The following ZNF804A variants were observed in gnomAD, a reference collection of about 807,000 sequenced individuals.
ZNF804A encodes zinc finger protein 804A.
A neutral mutation model predicts 16.5 loss-of-function variants in ZNF804A; 2 were observed. The ratio of observed to expected loss-of-function variants is 0.12; its 90% confidence interval spans 0.05 to 0.38. The LOEUF (loss-of-function observed/expected upper bound fraction) is 0.38. Among genes scored for constraint, ZNF804A ranks in the 10% least tolerant of loss-of-function variants. The pLI is 0.99. For missense variants in ZNF804A, 1,473 were observed against 1,390.7 expected, an observed-to-expected ratio of 1.06 and a Z score of -0.94; for synonymous variants, 534 against 489.6, an observed-to-expected ratio of 1.09 and a Z score of -1.20.
chr2:184,706,928 T>C (rs1318703914), intron 1 of ZNF804A, among the ~76,000 whole-genome samples: 1 of 152,222 alleles, frequency 6.6e-6, no homozygotes, highest in Admixed American at 6.5e-5. Flanking sequence ...AGACAGAGTT[T>C]ATATGTGTAT....
At chr2:184,849,291 C>G (rs533935208) in intron 1 of ZNF804A, among the ~76,000 whole-genome samples, 3 of 152,012 alleles carry the variant, frequency 2.0e-5, no homozygotes, top group Admixed American at 6.6e-5. Context: ...AGCCCCTGGA[C>G]AGGAAGTGAA....
chr2:184,936,431 C>T lies in ZNF804A; in HGVS notation c.1035C>T (p.Asp345=), dbSNP rs1327465170. The T allele has an allele frequency of 1.2e-6, 2 of 1,613,916 alleles. No individual in the cohort carries two copies. Among genetic ancestry groups the T allele is most frequent in the South Asian group, 2.2e-5 (2 of 91,068 alleles). The change falls in exon 4 of 4, where the codon GAC becomes GAT. Residue 345 remains aspartate, a synonymous_variant. Coordinates refer to ENST00000302277, the MANE Select transcript of ZNF804A (RefSeq NM_194250.2). ...IPLESVVINE[D]IPVSGNSFEL... is the part of the protein sequence containing the mutation. ...TAGAGAGTGTTGTTATTAATGAAGA[C>T]ATACCTGTTAGTGGTAACAGTTTTG...
Position 184,937,911 on chromosome 2 carries a change from A to G in ZNF804A, c.2515A>G (p.Asn839Asp), listed in dbSNP as rs1685819978. The G allele has an allele frequency of 1.2e-6, 2 of 1,614,140 alleles. No individual in the cohort carries two copies. Among genetic ancestry groups the G allele is most frequent in the Non-Finnish European group, 1.7e-6 (2 of 1,180,024 alleles). The part of the protein sequence containing the change: ...KENTDYPVKD[N>D]SSLNPLDRLI... ...AAATACAGATTATCCCGTGAAAGAC[A>G]ATTCTTCCTTAAATCCTCTGGATAG... Residue 839 changes from asparagine (N) to aspartate (D), a missense_variant, in exon 4 of 4, where the codon AAT becomes GAT. Asn to Asp is a conservative substitution (Grantham distance 23). Transcript: ENST00000302277.
At chr2:184,673,576 A>G (rs1692372462) in intron 1 of ZNF804A, among the ~76,000 whole-genome samples, 4 of 152,216 alleles carry the variant, frequency 2.6e-5, no homozygotes, top group Admixed American at 2.6e-4. Context: ...GAAAGAGGGT[A>G]CAATAAGTAT....
intron 1 of ZNF804A, among the ~76,000 whole-genome samples, chr2:184,775,823 G>A (rs1383507949): frequency 1.3e-5 from 2 of 151,526 alleles, no homozygotes; most frequent in Non-Finnish European, 3.0e-5. Flanking sequence ...ATGGCTAATG[G>A]GGTACAGCAC....
chr2:184,638,672 C>T (rs1438589870), intron 1 of ZNF804A, among the ~76,000 whole-genome samples: 1 of 152,116 alleles, frequency 6.6e-6, no homozygotes, highest in Non-Finnish European at 1.5e-5. Flanking sequence ...TATGGATTGT[C>T]ACTGAATGTG....
chr2:184,744,883 T>C (rs942422287), intron 1 of ZNF804A, among the ~76,000 whole-genome samples: 14 of 151,824 alleles, frequency 9.2e-5, no homozygotes, highest in Non-Finnish European at 1.6e-4. Context: ...TTTAAGTAGA[T>C]TTTCCCTCTG....
At chr2:184,713,535 A>T (rs1180011106) in intron 1 of ZNF804A, among the ~76,000 whole-genome samples, 3 of 151,968 alleles carry the variant, frequency 2.0e-5, no homozygotes, top group Non-Finnish European at 4.4e-5. Flanking sequence ...ACATAGTTGT[A>T]CTTGTATTTC....
At chr2:184,768,263 T>G (rs1407566299) in intron 1 of ZNF804A, among the ~76,000 whole-genome samples, 2 of 152,002 alleles carry the variant, frequency 1.3e-5, no homozygotes, top group Non-Finnish European at 1.5e-5. Context: ...ACCATGCCAT[T>G]TTATATAAGG....
At chr2:184,703,043 C>T (rs2105732198) in intron 1 of ZNF804A, among the ~76,000 whole-genome samples, 1 of 152,172 alleles carries the variant, frequency 6.6e-6, no homozygotes, top group Non-Finnish European at 1.5e-5. Flanking sequence ...TTGTTTTTTG[C>T]AGTAGCTCCT....
At chr2:184,865,349 G>A (rs757742904) in intron 1 of ZNF804A, among the ~76,000 whole-genome samples, 36 of 151,830 alleles carry the variant, frequency 2.4e-4, no homozygotes, top group African/African-American at 5.6e-4. Context: ...CAGTGTTTCC[G>A]TGTGTAAACT....
chr2:184,675,330 T>G (rs1051890783), intron 1 of ZNF804A, among the ~76,000 whole-genome samples: 5 of 151,836 alleles, frequency 3.3e-5, no homozygotes, highest in African/African-American at 1.2e-4. Flanking sequence ...GCTGTTATTG[T>G]CATATCTCCA....
chr2:184,823,304 TAA>T (rs2105791966), intron 1 of ZNF804A, among the ~76,000 whole-genome samples: 1 of 152,240 alleles, frequency 6.6e-6, no homozygotes, highest in South Asian at 2.1e-4. Flanking sequence ...CCACATGATT[TAA>T]CACCTCCTAA....
intron 1 of ZNF804A, among the ~76,000 whole-genome samples, chr2:184,712,817 T>A (rs1693150513): frequency 6.6e-6 from 1 of 151,714 alleles, no homozygotes; most frequent in African/African-American, 2.4e-5. Flanking sequence ...AGGAAATTTT[T>A]CAGTTTAGTT....
chr2:184,679,483 C>T (rs1378755752), intron 1 of ZNF804A, among the ~76,000 whole-genome samples: 1 of 152,176 alleles, frequency 6.6e-6, no homozygotes, highest in Non-Finnish European at 1.5e-5. Context: ...GGTGCAGCTA[C>T]TACTGCCCAG....
intron 1 of ZNF804A, among the ~76,000 whole-genome samples, chr2:184,606,870 C>T (rs1691155675): frequency 6.6e-6 from 1 of 152,196 alleles, no homozygotes; most frequent in African/African-American, 2.4e-5. Context: ...CACACACACA[C>T]ATATCATATT....
intron 1 of ZNF804A, among the ~76,000 whole-genome samples, chr2:184,861,848 A>G (rs1271266026): frequency 6.6e-6 from 1 of 152,190 alleles, no homozygotes; most frequent in East Asian, 1.9e-4. Context: ...CGCTGTCTAC[A>G]AAATTTATTA....
intron 1 of ZNF804A, among the ~76,000 whole-genome samples, chr2:184,855,667 A>G (rs562286087): frequency 3.3e-5 from 5 of 151,870 alleles, no homozygotes; most frequent in African/African-American, 1.2e-4. Flanking sequence ...ACAACACACT[A>G]ACAGCAGCGA....
rs530706284 is a variant in ZNF804A, at chr2:184,834,340, A to C, written c.112-32029A>C. 4.6e-5 allele frequency among the ~76,000 whole-genome samples: 7 copies of C among 152,190 alleles called. No homozygotes were observed. In the South Asian group the frequency reaches 1.5e-3, roughly 32 times the overall value. ...CACATATTTTCTTACTTGCTGTCAC[A>C]CATGATACTCCAGATTCATCTTTCC... On this transcript the variant is annotated intron_variant, in intron 1 of 3. Coordinates refer to ENST00000302277, the MANE Select transcript of ZNF804A (RefSeq NM_194250.2).
Sources: gnomAD v4.1 joint callset for allele counts (sites outside exome capture counted in the v4.1 genomes callset) on GRCh38, gnomAD v4.1.1 for gene constraint, MANE v1.5 for transcripts, NCBI Gene and HGNC (gene_info 2026-07-23, HGNC 2026-07-21) for gene names.